OSBPL10: variants seen among roughly 807,000 people sequenced by gnomAD.
OSBPL10 encodes oxysterol binding protein like 10.
Under a neutral mutation model 81.7 loss-of-function variants are expected in OSBPL10, and 49 were observed. The observed-to-expected ratio is 0.60, with a 90% confidence interval of 0.48 to 0.76. OSBPL10 has a LOEUF of 0.76. OSBPL10 is among the 30% of genes least tolerant of loss of function. OSBPL10 has a pLI of 0.00. For missense variants in OSBPL10, 923 were observed against 987.8 expected (o/e 0.93, Z 0.88); for synonymous variants, 419 against 383.6 (o/e 1.09, Z -1.08).
At chr3:31,925,812 CA>C (rs1240214547) in intron 1 of OSBPL10, among the ~76,000 whole-genome samples, 2 of 149,724 alleles carry the variant, frequency 1.3e-5, no homozygotes, top group African/African-American at 2.5e-5. Context: ...GACTCTGTTT[CA>C]AAAAAAAAGA....
intron 5 of OSBPL10, among the ~76,000 whole-genome samples, chr3:31,741,376 T>C (rs1224491070): frequency 6.6e-6 from 1 of 152,244 alleles, no homozygotes; most frequent in Non-Finnish European, 1.5e-5. Flanking sequence ...GTGATTCTCC[T>C]GCCTCAGCCT....
chr3:31,885,716 C>T (rs1259618861), intron 1 of OSBPL10, among the ~76,000 whole-genome samples: 7 of 151,836 alleles, frequency 4.6e-5, no homozygotes, highest in African/African-American at 1.7e-4. Context: ...GGTGCAGTGG[C>T]TCATGCCTAT....
chr3:31,767,425 C>T (rs1330087542), intron 4 of OSBPL10, among the ~76,000 whole-genome samples: 2 of 152,180 alleles, frequency 1.3e-5, no homozygotes, highest in African/African-American at 4.8e-5. Context: ...AATACACTAC[C>T]TACTTGGGCA....
intron 4 of OSBPL10, among the ~76,000 whole-genome samples, chr3:31,822,503 A>G (rs191245744): frequency 5.3e-4 from 80 of 152,326 alleles, no homozygotes; most frequent in African/African-American, 1.8e-3. Flanking sequence ...TTTCTTCAGA[A>G]AACATCTAGC....
intron 4 of OSBPL10, among the ~76,000 whole-genome samples, chr3:31,771,935 T>C (rs1698391490): frequency 6.6e-6 from 1 of 152,206 alleles, no homozygotes; most frequent in Non-Finnish European, 1.5e-5. Context: ...GGGAACACTA[T>C]GTCATTTTAG....
At chr3:31,729,949 C>T (rs1167705506) in intron 6 of OSBPL10, among the ~76,000 whole-genome samples, 1 of 152,206 alleles carries the variant, frequency 6.6e-6, no homozygotes, top group African/African-American at 2.4e-5. Context: ...CCAAATCTCA[C>T]ACAAATGCAT....
At chr3:31,775,193 T>A (rs1158694448) in intron 4 of OSBPL10, among the ~76,000 whole-genome samples, 1 of 151,436 alleles carries the variant, frequency 6.6e-6, no homozygotes, top group Non-Finnish European at 1.5e-5. Flanking sequence ...AATGGAGCTG[T>A]GGAAGGAAGT....
chr3:32,012,103 A>G (rs936192048), intron 2 of OSBPL10, among the ~76,000 whole-genome samples: 1 of 152,204 alleles, frequency 6.6e-6, no homozygotes, highest in African/African-American at 2.4e-5. Context: ...TGCCACAAAG[A>G]TACTCCTTGG....
intron 4 of OSBPL10, among the ~76,000 whole-genome samples, chr3:31,824,243 T>C (rs997456001): frequency 3.3e-5 from 5 of 151,924 alleles, no homozygotes; most frequent in Admixed American, 2.0e-4. Context: ...CTTGAACATA[T>C]GGAAGGGATA....
intron 1 of OSBPL10, among the ~76,000 whole-genome samples, chr3:31,932,171 A>G (rs577794291): frequency 1.3e-5 from 2 of 152,328 alleles, no homozygotes; most frequent in Admixed American, 6.5e-5. Flanking sequence ...AGAAACTTGA[A>G]GAAAAAAAAG....
At chr3:31,893,131 G>A (rs181570506) in intron 1 of OSBPL10, among the ~76,000 whole-genome samples, 37 of 152,268 alleles carry the variant, frequency 2.4e-4, no homozygotes, top group Non-Finnish European at 8.8e-5. Flanking sequence ...AAGCCTTTCT[G>A]GCTAAAGCAC....
At chr3:31,809,232 A>G (rs1699602746) in intron 4 of OSBPL10, among the ~76,000 whole-genome samples, 1 of 152,258 alleles carries the variant, frequency 6.6e-6, no homozygotes, top group African/African-American at 2.4e-5. Context: ...AAACAATAAA[A>G]GAATATATTT....
chr3:31,799,348 A>G (rs1239240531), intron 4 of OSBPL10, among the ~76,000 whole-genome samples: 4 of 139,410 alleles, frequency 2.9e-5, no homozygotes, highest in African/African-American at 1.0e-4. Context: ...TCAAGACCAG[A>G]CTGAGCAACA....
At chr3:31,824,202 T>C (rs562834926) in intron 4 of OSBPL10, among the ~76,000 whole-genome samples, 1 of 152,174 alleles carries the variant, frequency 6.6e-6, no homozygotes, top group African/African-American at 2.4e-5. Flanking sequence ...ATGAAAGCAG[T>C]TGGGCCTGAA....
intron 1 of OSBPL10, among the ~76,000 whole-genome samples, chr3:31,894,844 G>A (rs575117897): frequency 1.3e-5 from 2 of 152,234 alleles, no homozygotes; most frequent in South Asian, 4.2e-4. Flanking sequence ...ATGCTATGCC[G>A]GAATATCTTT....
intron 1 of OSBPL10, among the ~76,000 whole-genome samples, chr3:31,971,839 T>TA (rs1243541533): frequency 6.6e-6 from 1 of 152,194 alleles, no homozygotes; most frequent in Non-Finnish European, 1.5e-5. Context: ...GAAGACTGTA[T>TA]AGCCCACAAA....
At chr3:31,820,037 GT>G (rs1699940642) in intron 4 of OSBPL10, among the ~76,000 whole-genome samples, 1 of 149,648 alleles carries the variant, frequency 6.7e-6, no homozygotes, top group South Asian at 2.1e-4. Flanking sequence ...ATCTCCTATG[GT>G]TCTGTTTCTC....
chr3:31,907,889 T>C (rs1420270109), intron 1 of OSBPL10, among the ~76,000 whole-genome samples: 1 of 152,124 alleles, frequency 6.6e-6, no homozygotes, highest in Non-Finnish European at 1.5e-5. Context: ...TATAAACATA[T>C]ACACAAACAT....
chr3:31,753,986 T>G (rs1050082770), intron 4 of OSBPL10, among the ~76,000 whole-genome samples: 3 of 152,148 alleles, frequency 2.0e-5, no homozygotes, highest in African/African-American at 7.2e-5. Flanking sequence ...CACAACCCCC[T>G]TCTCCAAACA....
Sources: allele counts gnomAD v4.1 joint callset (sites outside exome capture counted in the v4.1 genomes callset), GRCh38; gene constraint gnomAD v4.1.1; transcripts MANE v1.5; gene names NCBI Gene and HGNC (gene_info 2026-07-23, HGNC 2026-07-21).